Variants in GRM5 observed in about 807,000 individuals in gnomAD.
The protein encoded by GRM5 is metabotropic glutamate receptor 5.
A neutral mutation model predicts 83.1 loss-of-function variants in GRM5; 19 were observed. That is an observed-to-expected ratio of 0.23 (90% confidence interval 0.16 to 0.34). The LOEUF (loss-of-function observed/expected upper bound fraction) is 0.34. GRM5 is among the 10% of genes least tolerant of loss of function. The pLI, the probability that GRM5 is intolerant of heterozygous loss-of-function variation, is 1.00. For missense variants in GRM5, 1,160 were observed against 1,588.3 expected (o/e 0.73, Z 4.58); for synonymous variants, 675 against 633.6 (o/e 1.07, Z -0.98).
intron 3 of GRM5, among the ~76,000 whole-genome samples, chr11:88,810,668 T>C (rs1943573243): frequency 6.6e-6 from 1 of 152,120 alleles, no homozygotes; most frequent in Non-Finnish European, 1.5e-5. Context: ...ACTGAGAAGC[T>C]GTATTTGTGT....
chr11:88,534,971 G>T (rs1287109813), intron 8 of GRM5, among the ~76,000 whole-genome samples: 1 of 152,170 alleles, frequency 6.6e-6, no homozygotes, highest in Non-Finnish European at 1.5e-5. Context: ...TGCCATCCTT[G>T]TAAGATGGGA....
rs1941192418 is a variant in GRM5, at chr11:88,506,733, A to C, written c.*1859T>G. The C allele has an allele frequency of 6.6e-6, 1 of 152,198 alleles. No homozygotes were observed. Among genetic ancestry groups the C allele is most frequent in the Non-Finnish European group, 1.5e-5 (1 of 68,028 alleles). The allele number at this position is 152,198 out of a possible 1,614,324, so 9.4% of individuals were successfully genotyped here. On this transcript the variant is annotated 3_prime_UTR_variant, in exon 10 of 10. Transcript: ENST00000305447. ...AGTAAGAACAAATAGCAGAAAAGAA[A>C]ACTCAAGCAGAATATTTATTAGAAT...
chr11:88,654,441 A>T (rs541502278), intron 3 of GRM5, among the ~76,000 whole-genome samples: 21 of 152,166 alleles, frequency 1.4e-4, no homozygotes, highest in African/African-American at 4.8e-4. Flanking sequence ...ATCTGCTGGA[A>T]CCCAGTGGTA....
rs188278010 is a variant in GRM5, at chr11:88,884,242, C to T, written c.662-34087G>A. 2.6e-5 allele frequency among the ~76,000 whole-genome samples: 4 copies of T among 152,184 alleles called. 1 individual carries two copies. In the South Asian group the frequency reaches 6.2e-4, roughly 24 times the overall value. The stretch of plus-strand genomic sequence containing the variant: ...GAACCCACCTCTTGCATCAGCATGA[C>T]TTGGATGTGAGACATGGAGTCAAGG... On this transcript the variant is annotated intron_variant, in intron 2 of 9. Coordinates refer to ENST00000305447, the MANE Select transcript of GRM5 (RefSeq NM_001143831.3).
At chr11:88,540,624 A>T (rs1233084667) in intron 8 of GRM5, among the ~76,000 whole-genome samples, 2 of 152,318 alleles carry the variant, frequency 1.3e-5, no homozygotes, top group East Asian at 3.9e-4. Context: ...CCATCAAAAG[A>T]ATCATCTCCA....
chr11:88,945,288 G>C (rs930810816), intron 2 of GRM5, among the ~76,000 whole-genome samples: 1 of 151,812 alleles, frequency 6.6e-6, no homozygotes, highest in African/African-American at 2.4e-5. Flanking sequence ...TTAATTAAAA[G>C]AATAAATATT....
intron 2 of GRM5, among the ~76,000 whole-genome samples, chr11:88,980,073 A>G (rs1036169955): frequency 1.3e-5 from 2 of 152,184 alleles, no homozygotes; most frequent in African/African-American, 4.8e-5. Context: ...TGGGAGATAA[A>G]TAGAGTCTTA....
At chr11:88,996,785 C>T (rs1409177923) in intron 2 of GRM5, among the ~76,000 whole-genome samples, 1 of 152,120 alleles carries the variant, frequency 6.6e-6, no homozygotes, top group Non-Finnish European at 1.5e-5. Flanking sequence ...GACTTGAAAT[C>T]ATGCAGAATG....
chr11:88,557,308 C>G (rs985949520), intron 8 of GRM5, among the ~76,000 whole-genome samples: 1 of 152,136 alleles, frequency 6.6e-6, no homozygotes, highest in Non-Finnish European at 1.5e-5. Context: ...TAAGTGTTTA[C>G]TGCATAAAGG....
At chr11:89,023,205 GA>G (rs1177114002) in intron 2 of GRM5, among the ~76,000 whole-genome samples, 2 of 151,914 alleles carry the variant, frequency 1.3e-5, no homozygotes, top group Non-Finnish European at 2.9e-5. Flanking sequence ...TGGGTACATG[GA>G]AAATATCAGA....
chr11:88,677,971 T>A (rs1408787080), intron 3 of GRM5, among the ~76,000 whole-genome samples: 1 of 152,096 alleles, frequency 6.6e-6, no homozygotes, highest in African/African-American at 2.4e-5. Flanking sequence ...TAATAGATAG[T>A]ATTGAAAATT....
intron 4 of GRM5, among the ~76,000 whole-genome samples, chr11:88,641,971 G>C (rs1939308216): frequency 6.6e-6 from 1 of 152,168 alleles, no homozygotes. Flanking sequence ...GGTGGGGACT[G>C]TTTGTGGGGG....
intron 3 of GRM5, among the ~76,000 whole-genome samples, chr11:88,844,357 T>TACACACACAC (rs3031469): frequency 6.8e-6 from 1 of 146,110 alleles, no homozygotes; most frequent in Admixed American, 6.8e-5. Context: ...TCAGAATTAC[T>TACACACACAC]ACACACACAC....
At chr11:88,583,608 G>A (rs193037857) in intron 7 of GRM5, among the ~76,000 whole-genome samples, 2 of 152,282 alleles carry the variant, frequency 1.3e-5, no homozygotes, top group Admixed American at 1.3e-4. Flanking sequence ...GCAGCATCTG[G>A]TAAGCCCCAC....
At chr11:88,770,894 G>A (rs574655483) in intron 3 of GRM5, among the ~76,000 whole-genome samples, 14 of 152,170 alleles carry the variant, frequency 9.2e-5, no homozygotes, top group South Asian at 4.1e-4. Flanking sequence ...GTCACTTAGC[G>A]TCAGAATGGA....
At chr11:88,651,972 A>G (rs906589397) in intron 4 of GRM5, among the ~76,000 whole-genome samples, 2 of 151,910 alleles carry the variant, frequency 1.3e-5, no homozygotes, top group African/African-American at 2.4e-5. Flanking sequence ...ATAGCTCACT[A>G]AATTGTTTCT....
At chr11:88,522,313 A>AACTT (rs1941716140) in intron 9 of GRM5, among the ~76,000 whole-genome samples, 1 of 152,162 alleles carries the variant, frequency 6.6e-6, no homozygotes, top group South Asian at 2.1e-4. Flanking sequence ...AATTTGGATT[A>AACTT]ACTACTTCAA....
intron 3 of GRM5, among the ~76,000 whole-genome samples, chr11:88,833,663 C>T (rs1944039325): frequency 6.6e-6 from 1 of 152,122 alleles, no homozygotes; most frequent in Non-Finnish European, 1.5e-5. Context: ...GAGACATTTG[C>T]ACCTCCATGT....
chr11:88,669,220 CT>C (rs1448823230), intron 3 of GRM5, among the ~76,000 whole-genome samples: 1 of 152,026 alleles, frequency 6.6e-6, no homozygotes, highest in African/African-American at 2.4e-5. Context: ...AGCTGGTCAG[CT>C]TAATTTACCA....
Sources: allele counts gnomAD v4.1 joint callset (sites outside exome capture counted in the v4.1 genomes callset), GRCh38; gene constraint gnomAD v4.1.1; transcripts MANE v1.5; gene names NCBI Gene and HGNC (gene_info 2026-07-23, HGNC 2026-07-21).